FAM177A1: variants seen among roughly 807,000 people sequenced by gnomAD.
The protein encoded by FAM177A1 is protein FAM177A1.
In FAM177A1, 22 loss-of-function variants were observed where a neutral mutation model predicts 26.1. The ratio of observed to expected loss-of-function variants is 0.84; its 90% CI spans 0.60 to 1.20. The LOEUF (loss-of-function observed/expected upper bound fraction) is 1.20, where lower values mean the gene tolerates loss of function less well. Ranked by LOEUF, FAM177A1 falls within the 50% of genes most tolerant of loss-of-function variation. The probability of loss-of-function intolerance (pLI) is 0.00; values close to 1 mark genes in which losing one functional copy is unlikely to be tolerated. For missense variants in FAM177A1, 296 were observed against 291.1 expected (o/e 1.02, Z -0.12); for synonymous variants, 95 against 99.3 (o/e 0.96, Z 0.26).
chr14:35,058,289 C>T (rs1486739788), intron 2 of FAM177A1, among the ~76,000 whole-genome samples: 2 of 152,034 alleles, frequency 1.3e-5, no homozygotes, highest in East Asian at 1.9e-4. Context: ...TGGTCTCGAT[C>T]TCTTGACCTC....
At chr14:35,057,222 TTTG>T (rs1463823246) in intron 2 of FAM177A1, among the ~76,000 whole-genome samples, 3 of 152,078 alleles carry the variant, frequency 2.0e-5, no homozygotes, top group Non-Finnish European at 2.9e-5. Context: ...TCCATAAATT[TTTG>T]TTGTTGTTCT....
At chr14:35,046,081 C>G (rs2139050199), upstream of FAM177A1, 1 of 170,906 alleles carries the variant, frequency 5.9e-6, no homozygotes, top group South Asian at 1.7e-4. Context: ...GTGACTGCCC[C>G]AGACGCCGCT....
intron 2 of FAM177A1, among the ~76,000 whole-genome samples, chr14:35,059,939 A>AGC (rs2045124729): frequency 6.6e-6 from 1 of 152,130 alleles, no homozygotes; most frequent in African/African-American, 2.4e-5. Context: ...TGCTGGGATT[A>AGC]CAGGCGTGAG....
chr14:35,047,422 G>A (rs899528872), intron 1 of FAM177A1, among the ~76,000 whole-genome samples: 1 of 152,148 alleles, frequency 6.6e-6, no homozygotes, highest in Non-Finnish European at 1.5e-5. Flanking sequence ...AGCCACATGT[G>A]GCTAGTGGTT....
Position 35,082,596 on chromosome 14 carries a change from T to A in FAM177A1, c.*1368T>A, listed in dbSNP as rs2045502752. ...CTCTAAATGTGTGTATAGAACCTTT[T>A]ATCAGTATAACATTGATTTATAATT... On this transcript the variant is annotated 3_prime_UTR_variant, in exon 5 of 5. Transcript: ENST00000280987. 6.6e-6 allele frequency: 1 copy of A among 152,110 alleles called. No homozygotes were observed. Among genetic ancestry groups the A allele is most frequent in the African/African-American group, 2.4e-5 (1 of 41,422 alleles). The allele number at this position is 152,110 out of a possible 1,614,324, so 9.4% of individuals were successfully genotyped here.
At chr14:35,069,812 T>C (rs926814440) in intron 2 of FAM177A1, among the ~76,000 whole-genome samples, 1 of 151,832 alleles carries the variant, frequency 6.6e-6, no homozygotes, top group African/African-American at 2.4e-5. Context: ...ATGATACTAA[T>C]AGAGCATAAG....
intron 2 of FAM177A1, among the ~76,000 whole-genome samples, chr14:35,061,040 T>A (rs1027979564): frequency 1.3e-5 from 2 of 151,522 alleles, no homozygotes; most frequent in Admixed American, 1.3e-4. Flanking sequence ...TTGTGACTAA[T>A]CTATAAATTA....
chr14:35,054,381 T>G (rs1192620025), intron 2 of FAM177A1, among the ~76,000 whole-genome samples: 2 of 152,170 alleles, frequency 1.3e-5, no homozygotes, highest in African/African-American at 4.8e-5. Flanking sequence ...TAAAGAAATT[T>G]TTATTTATTT....
intron 2 of FAM177A1, among the ~76,000 whole-genome samples, chr14:35,076,004 C>G (rs2045388981): frequency 6.6e-6 from 1 of 152,158 alleles, no homozygotes; most frequent in Non-Finnish European, 1.5e-5. Context: ...GGAGTGTAAA[C>G]TAGTTCAACC....
chr14:35,050,882 T>G (rs1006486207), intron 1 of FAM177A1: 8 of 152,100 alleles, frequency 5.3e-5, no homozygotes, highest in African/African-American at 1.9e-4. Context: ...AACATGAGAC[T>G]GGGTAGGGAT....
At chr14:35,053,245 GA>G in intron 1 of FAM177A1, 32 bp from the exon 2 acceptor site, 1 of 1,572,352 alleles carries the variant, frequency 6.4e-7, no homozygotes, top group Non-Finnish European at 8.6e-7. Flanking sequence ...AATCTCACTT[GA>G]AACTCATTTT....
At position 35,078,989 on chromosome 14, in the gene FAM177A1, T is replaced by G; in HGVS notation, c.469T>G (p.Tyr157Asp). 6.4e-7 allele frequency: 1 copy of G among 1,560,148 alleles called. No individual in the cohort carries two copies. Among genetic ancestry groups the G allele is most frequent in the Non-Finnish European group, 8.6e-7 (1 of 1,163,998 alleles). ...GGGTATCAGCACCCCAAAGTACCAATATGCCATTGATGAATATTATCGGAT... is the reference window on the plus strand; with the variant it reads ...GGGTATCAGCACCCCAAAGTACCAAGATGCCATTGATGAATATTATCGGAT... ...VLGISTPKYQ[Y>D]AIDEYYRMKK... is the part of the protein sequence containing the mutation. The change falls in exon 4 of 5, where the codon TAT becomes GAT. Residue 157 changes from tyrosine (Y) to aspartate (D), a missense_variant. Transcript: ENST00000280987.
intron 2 of FAM177A1, among the ~76,000 whole-genome samples, chr14:35,069,338 T>C (rs1370623983): frequency 2.7e-5 from 4 of 147,404 alleles, no homozygotes; most frequent in African/African-American, 5.0e-5. Context: ...GAGGCTGGAG[T>C]GCAATGGCGC....
chr14:35,053,272 A>C lies in FAM177A1; in HGVS notation c.166-6A>C. 2 of 1,605,320 alleles carry C rather than the reference A, an allele frequency of 1.2e-6. No individual in the cohort carries two copies. The highest frequency in any genetic ancestry group is 1.7e-6 in the Non-Finnish European group (2 of 1,177,564). ...AACTCATTTTCTTAAAATATCGTTG[A>C]TATAGATGAGTAACGAAAGAGGCTT... On this transcript the variant is annotated splice_region_variant and splice_polypyrimidine_tract_variant and intron_variant, in intron 1 of 4. Coordinates refer to ENST00000280987, the MANE Select transcript of FAM177A1 (RefSeq NM_173607.5).
At chr14:35,051,545 TG>T (rs2044971554) in intron 1 of FAM177A1, among the ~76,000 whole-genome samples, 1 of 152,202 alleles carries the variant, frequency 6.6e-6, no homozygotes, top group Non-Finnish European at 1.5e-5. Flanking sequence ...CCCAAGTAGC[TG>T]AAATTACATA....
At chr14:35,080,023 A>G (rs1388142057) in intron 4 of FAM177A1, among the ~76,000 whole-genome samples, 1 of 144,262 alleles carries the variant, frequency 6.9e-6, no homozygotes, top group African/African-American at 2.6e-5. Context: ...TCATTACCTC[A>G]TCTGGGCTAT....
At position 35,046,342 on chromosome 14, in the gene FAM177A1, C is replaced by T. The variant is rs2044860958; in HGVS notation, c.-122C>T. 2.4e-6 allele frequency: 3 copies of T among 1,227,114 alleles called. No individual in the cohort carries two copies. Among genetic ancestry groups the T allele is most frequent in the African/African-American group, 3.2e-5 (2 of 62,516 alleles). 76.0% of individuals were successfully genotyped at this position (1,227,114 alleles called of 1,614,324 possible). A position where few individuals can be genotyped will look rare whatever the true frequency, so the allele number is the denominator to read the frequency against. ...GGCGAGGCGCGGGCTGGCCCCGCCC[C>T]TCAGGCCGGCGAGTCCCCTTCTCAG... is the stretch of plus-strand genomic sequence containing the variant. On this transcript the variant is annotated 5_prime_UTR_variant, in exon 1 of 5. Transcript: ENST00000280987.
Position 35,055,227 on chromosome 14 carries a change from C to T in FAM177A1, c.339+1776C>T, listed in dbSNP as rs564654564. On this transcript the variant is annotated intron_variant, in intron 2 of 4. Transcript: ENST00000280987. ...CTGAGGCAGGAGAATTGCTTCAACCCGGGAAGCAGAGGTTGCAGTGAGCCG... is the reference window on the plus strand; with the variant it reads ...CTGAGGCAGGAGAATTGCTTCAACCTGGGAAGCAGAGGTTGCAGTGAGCCG... Among the ~76,000 whole-genome samples the T allele has an allele frequency of 1.3e-3, 191 of 150,186 alleles. 1 individual carries two copies. The highest frequency in any genetic ancestry group is 3.4e-3 in the Middle Eastern group (1 of 290).
At chr14:35,076,118 T>C (rs2138568216) in intron 2 of FAM177A1, among the ~76,000 whole-genome samples, 1 of 152,292 alleles carries the variant, frequency 6.6e-6, no homozygotes, top group South Asian at 2.1e-4. Flanking sequence ...TTATAAATCA[T>C]GTTGCTATAA....
Sources: allele counts gnomAD v4.1 joint callset (sites outside exome capture counted in the v4.1 genomes callset), GRCh38; gene constraint gnomAD v4.1.1; transcripts MANE v1.5; gene names NCBI Gene and HGNC (gene_info 2026-07-23, HGNC 2026-07-21).